The following UBE3C variants were observed in gnomAD, a reference collection of about 807,000 sequenced individuals.
UBE3C encodes ubiquitin-protein ligase E3C.
UBE3C carries 42 observed loss-of-function variants against 129.4 expected under a neutral mutation model. The observed-to-expected ratio is 0.32, with a 90% confidence interval of 0.25 to 0.42. UBE3C has a LOEUF of 0.42. UBE3C is among the 10% of genes least tolerant of loss of function. The pLI is 1.00. For synonymous variants in UBE3C, 510 were observed against 492.4 expected, an observed-to-expected ratio of 1.04 and a Z score of -0.47; for missense variants, 1,049 against 1,319.1, an observed-to-expected ratio of 0.80 and a Z score of 3.17.
intron 1 of UBE3C, among the ~76,000 whole-genome samples, chr7:157,151,906 C>G (rs1807766122): frequency 6.6e-6 from 1 of 152,138 alleles, no homozygotes; most frequent in Non-Finnish European, 1.5e-5. Flanking sequence ...TGGCCGTCAT[C>G]TGAGAACTCT....
At chr7:157,267,283 A>G (rs1182412) in intron 22 of UBE3C, among the ~76,000 whole-genome samples, 115,409 of 151,992 alleles carry the variant, frequency 0.76, 45,010 homozygotes, top group East Asian at 0.99. Flanking sequence ...TTAGCCAGGC[A>G]TGGTGGCAGG....
At chr7:157,206,145 T>TTGC (rs1170866991) in intron 11 of UBE3C, among the ~76,000 whole-genome samples, 2 of 152,222 alleles carry the variant, frequency 1.3e-5, no homozygotes, top group African/African-American at 4.8e-5. Context: ...TAGAAAGAGC[T>TTGC]TGCAGGTGAG....
intron 13 of UBE3C, among the ~76,000 whole-genome samples, chr7:157,216,538 G>A (rs541115596): frequency 2.8e-4 from 43 of 151,978 alleles, no homozygotes; most frequent in African/African-American, 9.9e-4. Flanking sequence ...CCCAGTGTCT[G>A]TTCTTTCCTT....
chr7:157,162,840 A>G (rs2116858040), intron 1 of UBE3C, among the ~76,000 whole-genome samples: 1 of 152,172 alleles, frequency 6.6e-6, no homozygotes, highest in East Asian at 1.9e-4. Flanking sequence ...TTTATTTTGG[A>G]TGAAATTTAC....
intron 1 of UBE3C, 57 bp downstream of exon 1, chr7:157,139,395 G>A: frequency 6.7e-7 from 1 of 1,495,654 alleles, no homozygotes; most frequent in Non-Finnish European, 8.9e-7. Context: ...CCGGGGCTCG[G>A]GGCTGGGACT....
At chr7:157,243,047 T>TC (rs1331422135) in intron 18 of UBE3C, among the ~76,000 whole-genome samples, 1 of 150,700 alleles carries the variant, frequency 6.6e-6, no homozygotes, top group Admixed American at 6.6e-5. Flanking sequence ...AGAGGGAAAC[T>TC]CCATCTCAAA....
At chr7:157,216,786 C>T in intron 13 of UBE3C, 81 bp from the exon 14 acceptor site, 2 of 1,133,294 alleles carry the variant, frequency 1.8e-6, no homozygotes, top group Non-Finnish European at 2.6e-6. Flanking sequence ...CTGTGTGCTC[C>T]TCCTCGAGTG....
intron 13 of UBE3C, among the ~76,000 whole-genome samples, chr7:157,215,514 TTATAAC>T (rs1327006783): frequency 2.7e-5 from 4 of 148,160 alleles, no homozygotes; most frequent in African/African-American, 9.8e-5. Context: ...ATTATACAAT[TTATAAC>T]TATAATATAA....
chr7:157,207,996 G>C, intron 13 of UBE3C, 61 bp downstream of exon 13: 1 of 1,018,250 alleles, frequency 9.8e-7, no homozygotes, highest in Non-Finnish European at 1.2e-6. Context: ...CTTTTGTCTT[G>C]ACTCGTTGCA....
intron 16 of UBE3C, among the ~76,000 whole-genome samples, chr7:157,224,317 C>G (rs1329971251): frequency 6.6e-6 from 1 of 152,112 alleles, no homozygotes; most frequent in Non-Finnish European, 1.5e-5. Flanking sequence ...GCTTCAGCCT[C>G]CCAAGTAGCT....
chr7:157,226,457 A>T (rs1182363), intron 17 of UBE3C, among the ~76,000 whole-genome samples: 4 of 152,036 alleles, frequency 2.6e-5, no homozygotes, highest in African/African-American at 9.7e-5. Context: ...ATGTTGGTCA[A>T]TGCCGAGGGG....
chr7:157,186,546 A>T (rs1369575638), intron 9 of UBE3C, among the ~76,000 whole-genome samples: 2 of 152,166 alleles, frequency 1.3e-5, no homozygotes, highest in Admixed American at 1.3e-4. Flanking sequence ...TTGATGTAAA[A>T]AAAAAAAGTA....
At chr7:157,253,494 G>A (rs1178721503) in intron 19 of UBE3C, among the ~76,000 whole-genome samples, 1 of 152,220 alleles carries the variant, frequency 6.6e-6, no homozygotes, top group African/African-American at 2.4e-5. Flanking sequence ...TTATAGTAAT[G>A]GCATTGTGGA....
chr7:157,201,612 T>C, intron 10 of UBE3C, 109 bp from the exon 11 acceptor site: 1 of 771,928 alleles, frequency 1.3e-6, no homozygotes, highest in Non-Finnish European at 1.9e-6. Flanking sequence ...ATTTGCTAAA[T>C]TGTACGTTGA....
intron 10 of UBE3C, chr7:157,189,275 G>A (rs1292803736): frequency 4.2e-5 from 11 of 259,292 alleles, no homozygotes; most frequent in Non-Finnish European, 7.1e-5. Context: ...AATTGGTTAA[G>A]TAATAAATGA....
chr7:157,228,115 T>C (rs987236266), intron 17 of UBE3C, among the ~76,000 whole-genome samples: 2 of 152,246 alleles, frequency 1.3e-5, no homozygotes, highest in Non-Finnish European at 2.9e-5. Context: ...CATCTAGTCA[T>C]TGAAGTGAAT....
chr7:157,190,939 C>G (rs1808946191), intron 10 of UBE3C, among the ~76,000 whole-genome samples: 3 of 152,182 alleles, frequency 2.0e-5, no homozygotes, highest in Admixed American at 6.5e-5. Context: ...CCAGTCTCTT[C>G]CAGTTAATGT....
chr7:157,169,738 G>A (rs1369191349), intron 3 of UBE3C, among the ~76,000 whole-genome samples: 29 of 152,088 alleles, frequency 1.9e-4, no homozygotes, highest in Admixed American at 1.9e-3. Context: ...CTGGAGTGCA[G>A]TTGCACGATC....
At chr7:157,175,735 A>G (rs193085764) in intron 5 of UBE3C, among the ~76,000 whole-genome samples, 55 of 152,342 alleles carry the variant, frequency 3.6e-4, no homozygotes, top group African/African-American at 1.2e-3. Context: ...AGGTAGGAAT[A>G]AAGAACCTAT....
Sources: gnomAD v4.1 joint callset for allele counts (sites outside exome capture counted in the v4.1 genomes callset) on GRCh38, gnomAD v4.1.1 for gene constraint, MANE v1.5 for transcripts, NCBI Gene and HGNC (gene_info 2026-07-23, HGNC 2026-07-21) for gene names.